SLC24A2: variants seen among roughly 807,000 people sequenced by gnomAD.
SLC24A2 encodes the protein solute carrier family 24 member 2.
Under a neutral mutation model 62.0 loss-of-function variants are expected in SLC24A2, and 36 were observed. That is an observed-to-expected ratio of 0.58 (90% CI 0.44 to 0.77). The LOEUF is 0.77. Ranked by LOEUF, SLC24A2 falls within the 30% of genes least tolerant of loss-of-function variation. The probability of loss-of-function intolerance (pLI) is 0.00; values close to 1 mark genes in which losing one functional copy is unlikely to be tolerated. For synonymous variants in SLC24A2, 358 were observed against 294.0 expected, an observed-to-expected ratio of 1.22 and a Z score of -2.23; for missense variants, 846 against 817.9, an observed-to-expected ratio of 1.03 and a Z score of -0.42.
the SLC24A2 span, among the ~76,000 whole-genome samples, chr9:20,210,560 G>A: frequency 6.6e-3 from 970 of 146,086 alleles, 7 homozygotes; most frequent in East Asian, 0.025. Flanking sequence ...TGCAAGCTCC[G>A]CCTCCCGGGT....
At chr9:19,536,607 G>A in intron 8 of SLC24A2, among the ~76,000 whole-genome samples, 1 of 70,670 alleles carries the variant, frequency 1.4e-5, no homozygotes, top group South Asian at 7.7e-4. Context: ...ATCATTGTTG[G>A]ACATTTGGGT....
At chr9:19,614,936 G>A (rs1055401089) in intron 4 of SLC24A2, among the ~76,000 whole-genome samples, 3 of 151,990 alleles carry the variant, frequency 2.0e-5, no homozygotes, top group Admixed American at 1.3e-4. Context: ...ACTCACCCAG[G>A]TAATCCCTGC....
the SLC24A2 span, among the ~76,000 whole-genome samples, chr9:20,235,575 T>C: frequency 0.15 from 23,595 of 152,228 alleles, 2,424 homozygotes; most frequent in African/African-American, 0.29. Flanking sequence ...TTAATCCCAT[T>C]GGAAAAGTGC....
chr9:19,562,690 C>G (rs1178721262), intron 7 of SLC24A2, among the ~76,000 whole-genome samples: 2 of 152,102 alleles, frequency 1.3e-5, no homozygotes, highest in Non-Finnish European at 2.9e-5. Flanking sequence ...TGTGCCAAGG[C>G]CTGGTCAGTA....
At chr9:20,019,251 A>AAT in the SLC24A2 span, among the ~76,000 whole-genome samples, 1 of 75,938 alleles carries the variant, frequency 1.3e-5, no homozygotes, top group Non-Finnish European at 3.0e-5. Flanking sequence ...GAAAGAAGGA[A>AAT]AGAGAAAGAA....
the SLC24A2 span, among the ~76,000 whole-genome samples, chr9:20,039,129 G>A: frequency 6.6e-6 from 1 of 152,212 alleles, no homozygotes; most frequent in African/African-American, 2.4e-5. Context: ...AAAGGAGGCG[G>A]CATGGTGTGG....
At chr9:19,853,715 A>G in the SLC24A2 span, among the ~76,000 whole-genome samples, 1 of 152,186 alleles carries the variant, frequency 6.6e-6, no homozygotes, top group Admixed American at 6.5e-5. Context: ...ATTTGCCAGT[A>G]TTTTATAGAA....
At chr9:20,051,359 T>C in the SLC24A2 span, among the ~76,000 whole-genome samples, 3 of 152,040 alleles carry the variant, frequency 2.0e-5, no homozygotes, top group South Asian at 2.1e-4. Flanking sequence ...TAAAGGAAAA[T>C]TGACAGAAGT....
intron 8 of SLC24A2, among the ~76,000 whole-genome samples, chr9:19,530,301 G>A (rs966815192): frequency 3.3e-5 from 5 of 152,022 alleles, no homozygotes; most frequent in Admixed American, 6.6e-5. Flanking sequence ...CTCTTGCCAC[G>A]TGGGGTCACG....
intron 2 of SLC24A2, among the ~76,000 whole-genome samples, chr9:19,758,598 G>C (rs2118841714): frequency 6.6e-6 from 1 of 152,192 alleles, no homozygotes; most frequent in Admixed American, 6.5e-5. Flanking sequence ...TTGCTATAAA[G>C]CAACAAGAGA....
chr9:19,555,803 G>C (rs966167020), intron 7 of SLC24A2, among the ~76,000 whole-genome samples: 2 of 152,090 alleles, frequency 1.3e-5, no homozygotes, highest in Admixed American at 6.6e-5. Flanking sequence ...AAATTAGCTA[G>C]GTGTGATGAC....
At chr9:19,979,142 G>T in the SLC24A2 span, among the ~76,000 whole-genome samples, 3 of 152,164 alleles carry the variant, frequency 2.0e-5, no homozygotes, top group Non-Finnish European at 4.4e-5. Flanking sequence ...TCAGCATTTT[G>T]AGCTTGAACC....
At chr9:19,895,043 T>G in the SLC24A2 span, among the ~76,000 whole-genome samples, 1 of 152,210 alleles carries the variant, frequency 6.6e-6, no homozygotes, top group Non-Finnish European at 1.5e-5. Flanking sequence ...AAGTTAGTAC[T>G]GGTAAATTCA....
At chr9:20,278,317 C>G in the SLC24A2 span, among the ~76,000 whole-genome samples, 2 of 152,136 alleles carry the variant, frequency 1.3e-5, no homozygotes, top group Admixed American at 6.5e-5. Context: ...AACTCTTATG[C>G]TCTGCTTCCC....
the SLC24A2 span, among the ~76,000 whole-genome samples, chr9:20,058,337 AC>A: frequency 1.3e-5 from 2 of 152,120 alleles, no homozygotes; most frequent in Non-Finnish European, 2.9e-5. Flanking sequence ...GGAAAACATA[AC>A]CCTAATTTAT....
chr9:19,889,029 G>A, the SLC24A2 span, among the ~76,000 whole-genome samples: 2 of 152,274 alleles, frequency 1.3e-5, no homozygotes, highest in East Asian at 1.9e-4. Context: ...TAGAGGAGGA[G>A]AGCCCTGGCC....
the SLC24A2 span, among the ~76,000 whole-genome samples, chr9:19,820,042 C>CACATATATATATACATAT: frequency 2.1e-4 from 7 of 32,888 alleles, no homozygotes; most frequent in Admixed American, 4.5e-4. Flanking sequence ...TATATATATA[C>CACATATATATATACATAT]ATATATATAT....
chr9:19,680,311 A>T (rs1041386772), intron 2 of SLC24A2, among the ~76,000 whole-genome samples: 1 of 152,162 alleles, frequency 6.6e-6, no homozygotes, highest in Non-Finnish European at 1.5e-5. Flanking sequence ...TAGAACTCAC[A>T]GTCTACGCAA....
the SLC24A2 span, among the ~76,000 whole-genome samples, chr9:20,090,958 A>G: frequency 1.3e-5 from 2 of 152,166 alleles, no homozygotes; most frequent in South Asian, 2.1e-4. Flanking sequence ...ACAGAATCAC[A>G]ATAAATGATA....
Sources: allele counts gnomAD v4.1 joint callset (sites outside exome capture counted in the v4.1 genomes callset), GRCh38; gene constraint gnomAD v4.1.1; transcripts MANE v1.5; gene names NCBI Gene and HGNC (gene_info 2026-07-23, HGNC 2026-07-21).